The following ROPN1B variants were observed in gnomAD, a reference collection of about 807,000 sequenced individuals.
The protein encoded by ROPN1B is rhophilin associated tail protein 1B.
ROPN1B carries 13 observed loss-of-function variants against 23.7 expected under a neutral mutation model. The observed-to-expected ratio is 0.55, with a 90% CI of 0.36 to 0.87. The LOEUF is 0.87. Ranked by LOEUF, ROPN1B falls within the 40% of genes least tolerant of loss-of-function variation. The pLI is 0.01. For synonymous variants in ROPN1B, 67 were observed against 100.4 expected (o/e 0.67, Z 1.99); for missense variants, 183 against 249.2 (o/e 0.73, Z 1.79).
intron 3 of ROPN1B, chr3:125,973,226 A>G (rs1938280584): frequency 2.9e-6 from 1 of 349,534 alleles, no homozygotes; most frequent in Non-Finnish European, 5.7e-6. Context: ...TCCTGGGCAG[A>G]TGGTGGGGAG....
At chr3:125,973,937 A>T (rs1580342127) in intron 3 of ROPN1B, 1 of 153,828 alleles carries the variant, frequency 6.5e-6, no homozygotes, top group Non-Finnish European at 1.5e-5. Context: ...TATTGGCAGG[A>T]CATATACTTA....
At chr3:125,982,840 G>C (rs55673540) in intron 6 of ROPN1B, among the ~76,000 whole-genome samples, 2,436 of 152,268 alleles carry the variant, frequency 0.016, 68 homozygotes, top group East Asian at 0.15. Flanking sequence ...AGGAGGATGA[G>C]AGGAGGAGCA....
chr3:125,982,758 T>A (rs1181676389), intron 6 of ROPN1B, among the ~76,000 whole-genome samples: 3 of 152,160 alleles, frequency 2.0e-5, no homozygotes, highest in Non-Finnish European at 2.9e-5. Flanking sequence ...AGCCCAGGAA[T>A]CTGCGTATTT....
intron 5 of ROPN1B, among the ~76,000 whole-genome samples, chr3:125,978,177 C>G (rs1027711530): frequency 6.6e-6 from 1 of 152,074 alleles, no homozygotes; most frequent in Non-Finnish European, 1.5e-5. Context: ...CTGAATAAAT[C>G]ACTATCCTCT....
At chr3:125,972,758 A>T (rs1255661971) in intron 3 of ROPN1B, 1 of 353,726 alleles carries the variant, frequency 2.8e-6, no homozygotes, top group Non-Finnish European at 5.6e-6. Context: ...GTTTCTCTGA[A>T]CTGATTTGTT....
chr3:125,969,729 A>T (rs1344946146), intron 1 of ROPN1B: 1 of 152,376 alleles, frequency 6.6e-6, no homozygotes, highest in Non-Finnish European at 1.5e-5. Context: ...TTCATCAGCG[A>T]CAGGGATATA....
intron 5 of ROPN1B, among the ~76,000 whole-genome samples, chr3:125,979,610 T>C (rs1938541254): frequency 6.6e-6 from 1 of 152,234 alleles, no homozygotes; most frequent in Non-Finnish European, 1.5e-5. Context: ...TCTGTTGTTA[T>C]AAATTACCCA....
At chr3:125,979,433 G>A (rs1488211549) in intron 5 of ROPN1B, among the ~76,000 whole-genome samples, 1 of 152,038 alleles carries the variant, frequency 6.6e-6, no homozygotes, top group Non-Finnish European at 1.5e-5. Flanking sequence ...AGGTCATGAG[G>A]GTGGAGCCCT....
intron 5 of ROPN1B, among the ~76,000 whole-genome samples, chr3:125,980,521 G>A (rs1938576567): frequency 6.6e-6 from 1 of 152,138 alleles, no homozygotes; most frequent in Admixed American, 6.5e-5. Flanking sequence ...GTGCCTACAT[G>A]TCTGGTGGCT....
chr3:125,978,776 C>A (rs1036919047), intron 5 of ROPN1B, among the ~76,000 whole-genome samples: 4 of 152,302 alleles, frequency 2.6e-5, no homozygotes, highest in African/African-American at 9.6e-5. Context: ...GCTATCTGCT[C>A]CCTGGCTCTG....
chr3:125,979,872 G>A lies in ROPN1B; in HGVS notation c.397-2398G>A, dbSNP rs569093948. Among the ~76,000 whole-genome samples the A allele has an allele frequency of 1.4e-3, 211 of 152,216 alleles. 1 individual carries two copies. The highest frequency in any genetic ancestry group is 3.8e-3 in the African/African-American group (159 of 41,526). On this transcript the variant is annotated intron_variant, in intron 5 of 6. Coordinates refer to ENST00000514116, the MANE Select transcript of ROPN1B (RefSeq NM_001308313.2). ...TACTCCATCTTGAGCTCTCTGCGTC[G>A]AATACACATTATTCAGAATGCGATG...
chr3:125,978,271 A>G (rs1265894229), intron 5 of ROPN1B, among the ~76,000 whole-genome samples: 1 of 151,988 alleles, frequency 6.6e-6, no homozygotes, highest in Non-Finnish European at 1.5e-5. Context: ...TAAAAAAATG[A>G]ACACATTTTA....
intron 3 of ROPN1B, chr3:125,973,330 T>C (rs1399971203): frequency 3.9e-6 from 1 of 254,124 alleles, no homozygotes; most frequent in East Asian, 1.3e-4. Flanking sequence ...TGGATTAGGA[T>C]GCAGCTTTTA....
intron 4 of ROPN1B, among the ~76,000 whole-genome samples, chr3:125,975,893 C>A (rs990432633): frequency 6.6e-6 from 1 of 152,170 alleles, no homozygotes; most frequent in Non-Finnish European, 1.5e-5. Context: ...GGGGTCATCC[C>A]AGATTTCCTT....
intron 5 of ROPN1B, among the ~76,000 whole-genome samples, chr3:125,980,578 T>C (rs1938578573): frequency 6.6e-6 from 1 of 152,210 alleles, no homozygotes; most frequent in Admixed American, 6.5e-5. Context: ...CCTACTGACT[T>C]CATTTTAACT....
rs542487489 is a variant in ROPN1B at position 125,973,745 on chromosome 3, C to T, written c.116+1575C>T. 492 of 152,516 alleles carry T rather than the reference C, an allele frequency of 3.2e-3. 1 individual carries two copies. The highest frequency in any genetic ancestry group is 6.0e-3 in the Admixed American group (91 of 15,268). The allele number at this position is 152,516 out of a possible 1,614,324, so 9.4% of individuals were successfully genotyped here. ...AAAGGAGGGCATGACCTAAGAGCCC[C>T]CTCCATTCTATCCAGACATGAAAAG... is the stretch of plus-strand genomic sequence containing the variant. On this transcript the variant is annotated intron_variant, in intron 3 of 6. Coordinates refer to ENST00000514116, the MANE Select transcript of ROPN1B (RefSeq NM_001308313.2).
intron 1 of ROPN1B, among the ~76,000 whole-genome samples, 187 bp from the exon 2 acceptor site, chr3:125,970,930 A>C (rs1486235130): frequency 6.6e-6 from 1 of 152,198 alleles, no homozygotes; most frequent in African/African-American, 2.4e-5. Context: ...CCTGACTAGA[A>C]GCAGCAATGG....
intron 3 of ROPN1B, chr3:125,972,773 C>T: frequency 5.6e-6 from 2 of 356,666 alleles, no homozygotes; most frequent in South Asian, 2.1e-5. Context: ...TTTGTTCTGC[C>T]AACATAATGA....
intron 5 of ROPN1B, among the ~76,000 whole-genome samples, chr3:125,981,196 G>A (rs540756177): frequency 7.9e-5 from 12 of 152,278 alleles, no homozygotes; most frequent in African/African-American, 2.9e-4. Flanking sequence ...ACTCAAGGAA[G>A]AGTTTATTCA....
Sources: allele counts gnomAD v4.1 joint callset (sites outside exome capture counted in the v4.1 genomes callset), GRCh38; gene constraint gnomAD v4.1.1; transcripts MANE v1.5; gene names NCBI Gene and HGNC (gene_info 2026-07-23, HGNC 2026-07-21).